Variants in SERGEF observed in about 807,000 individuals in gnomAD.
SERGEF encodes the protein secretion-regulating guanine nucleotide exchange factor.
Under a neutral mutation model 50.0 loss-of-function variants are expected in SERGEF, and 51 were observed. The ratio of observed to expected loss-of-function variants is 1.02; its 90% CI spans 0.81 to 1.29. The LOEUF (loss-of-function observed/expected upper bound fraction) is 1.29, where lower values mean the gene tolerates loss of function less well. Ranked by LOEUF, SERGEF falls within the 50% of genes most tolerant of loss-of-function variation. SERGEF has a pLI of 0.00. For synonymous variants in SERGEF, 205 were observed against 212.4 expected, an observed-to-expected ratio of 0.97 and a Z score of 0.30; for missense variants, 521 against 557.0, an observed-to-expected ratio of 0.94 and a Z score of 0.65.
chr11:17,972,476 C>T (rs945628548), intron 8 of SERGEF, among the ~76,000 whole-genome samples: 3 of 152,194 alleles, frequency 2.0e-5, no homozygotes, highest in African/African-American at 7.2e-5. Flanking sequence ...TCACTGAAGG[C>T]TCAGAAGATT....
intron 10 of SERGEF, among the ~76,000 whole-genome samples, chr11:17,807,681 C>T (rs1012646146): frequency 1.3e-5 from 2 of 152,218 alleles, no homozygotes; most frequent in African/African-American, 4.8e-5. Context: ...CCACTGATTA[C>T]CCTAATTCCA....
intron 9 of SERGEF, among the ~76,000 whole-genome samples, chr11:17,931,422 C>A (rs1852350178): frequency 6.6e-6 from 1 of 152,148 alleles, no homozygotes; most frequent in Admixed American, 6.6e-5. Context: ...AAATAATACT[C>A]AAATGTCCTG....
At chr11:17,987,367 A>G (rs960797305) in intron 8 of SERGEF, among the ~76,000 whole-genome samples, 16 of 152,224 alleles carry the variant, frequency 1.1e-4, no homozygotes, top group African/African-American at 3.9e-4. Context: ...CACAGAGCTC[A>G]TTATCTGAAA....
At chr11:17,860,693 T>C (rs895025013) in intron 10 of SERGEF, among the ~76,000 whole-genome samples, 4 of 152,240 alleles carry the variant, frequency 2.6e-5, no homozygotes, top group Non-Finnish European at 5.9e-5. Flanking sequence ...CAGAATCAGA[T>C]AACCTAGCTC....
At chr11:17,892,183 T>C (rs941032398) in intron 9 of SERGEF, among the ~76,000 whole-genome samples, 1 of 152,202 alleles carries the variant, frequency 6.6e-6, no homozygotes, top group Non-Finnish European at 1.5e-5. Context: ...TCCCCAATTC[T>C]TACTCCTCCT....
chr11:17,915,369 T>G (rs150869986), intron 9 of SERGEF, among the ~76,000 whole-genome samples: 1 of 152,186 alleles, frequency 6.6e-6, no homozygotes, highest in Non-Finnish European at 1.5e-5. Context: ...CTGAGATTAC[T>G]GAGCTCAACC....
intron 5 of SERGEF, 130 bp from the exon 6 acceptor site, chr11:17,996,039 C>T: frequency 1.5e-6 from 1 of 679,876 alleles, no homozygotes; most frequent in Non-Finnish European, 2.6e-6. Context: ...TGGAGAAGCT[C>T]AATTGCTTCA....
chr11:17,970,178 T>C (rs1324149387), intron 8 of SERGEF, among the ~76,000 whole-genome samples: 2 of 152,242 alleles, frequency 1.3e-5, no homozygotes, highest in Non-Finnish European at 2.9e-5. Flanking sequence ...CCAGTAAGTC[T>C]ATTGGCGCCA....
At chr11:17,836,502 AACTAG>A (rs1850400674) in intron 10 of SERGEF, among the ~76,000 whole-genome samples, 1 of 152,200 alleles carries the variant, frequency 6.6e-6, no homozygotes, top group South Asian at 2.1e-4. Flanking sequence ...TCTTTCCATC[AACTAG>A]ACTATAGCTT....
chr11:17,817,534 A>C (rs534110290), intron 10 of SERGEF, among the ~76,000 whole-genome samples: 6 of 152,252 alleles, frequency 3.9e-5, no homozygotes, highest in South Asian at 4.2e-4. Flanking sequence ...TTAACTCATT[A>C]ATATTCACCA....
rs368194100 is a variant in SERGEF at position 18,004,563 on chromosome 11, A to T, written c.353-28T>A. The T allele has an allele frequency of 5.3e-6, 8 of 1,503,566 alleles. No homozygotes were observed. The Admixed American group carries it at 1.2e-4, about 23-fold the overall frequency. The allele number at this position is 1,503,566 out of a possible 1,614,324, so 93.1% of individuals were successfully genotyped here. A position where few individuals can be genotyped will look rare whatever the true frequency, so the allele number is the denominator to read the frequency against. ...GCAAAATACAAATACTTAAATTGCA[A>T]ATCTATGAAGTAAGATGTCTGTGAC... On this transcript the variant is annotated intron_variant, in intron 3 of 10. Coordinates refer to ENST00000265965, the MANE Select transcript of SERGEF (RefSeq NM_012139.4).
intron 10 of SERGEF, among the ~76,000 whole-genome samples, chr11:17,863,900 AAC>A (rs2133885375): frequency 6.6e-6 from 1 of 152,354 alleles, no homozygotes; most frequent in East Asian, 1.9e-4. Flanking sequence ...GAAGATGTTA[AAC>A]ACAGTTTGTG....
intron 10 of SERGEF, among the ~76,000 whole-genome samples, chr11:17,823,551 C>T (rs1850121758): frequency 6.6e-6 from 1 of 152,072 alleles, no homozygotes; most frequent in South Asian, 2.1e-4. Flanking sequence ...GCAGGCATAT[C>T]TGGGGAACAG....
intron 4 of SERGEF, 34 bp from the exon 5 acceptor site, chr11:18,000,591 A>G (rs1195126875): frequency 1.4e-6 from 2 of 1,469,862 alleles, no homozygotes; most frequent in Non-Finnish European, 1.9e-6. Flanking sequence ...TAGATCTCAG[A>G]ACCATCCATC....
At chr11:17,790,423 T>C (rs996392495) in intron 10 of SERGEF, among the ~76,000 whole-genome samples, 5 of 152,232 alleles carry the variant, frequency 3.3e-5, no homozygotes, top group Non-Finnish European at 7.3e-5. Flanking sequence ...TCTAGTTCAG[T>C]TATTTTAATT....
chr11:17,848,718 A>G (rs544184480), intron 10 of SERGEF, among the ~76,000 whole-genome samples: 9 of 152,342 alleles, frequency 5.9e-5, no homozygotes, highest in Non-Finnish European at 1.3e-4. Context: ...TAAAAAGACT[A>G]TGATGAACAT....
chr11:17,926,387 C>A (rs1187829689), intron 9 of SERGEF, among the ~76,000 whole-genome samples: 2 of 152,116 alleles, frequency 1.3e-5, no homozygotes, highest in Non-Finnish European at 2.9e-5. Context: ...CAAGCAGGGC[C>A]AGAGGCAGGG....
At chr11:17,979,735 C>T (rs1160143251) in intron 8 of SERGEF, among the ~76,000 whole-genome samples, 1 of 152,144 alleles carries the variant, frequency 6.6e-6, no homozygotes, top group Non-Finnish European at 1.5e-5. Context: ...CCTGAAAAAG[C>T]ACATTGTGTG....
chr11:17,946,134 C>T (rs1351959104), intron 9 of SERGEF, among the ~76,000 whole-genome samples: 3 of 152,138 alleles, frequency 2.0e-5, no homozygotes, highest in East Asian at 3.9e-4. Context: ...AAGTGAGGCT[C>T]AGAGAAAGCA....
Sources: gnomAD v4.1 joint callset for allele counts (sites outside exome capture counted in the v4.1 genomes callset) on GRCh38, gnomAD v4.1.1 for gene constraint, MANE v1.5 for transcripts, NCBI Gene and HGNC (gene_info 2026-07-23, HGNC 2026-07-21) for gene names.